The following RASGRF2 variants were observed in gnomAD, a reference collection of about 807,000 sequenced individuals.
RASGRF2 encodes ras-specific guanine nucleotide-releasing factor 2.
In RASGRF2, 76 loss-of-function variants were observed where a neutral mutation model predicts 151.0. The observed-to-expected ratio is 0.50, with a 90% CI of 0.42 to 0.61. The LOEUF (loss-of-function observed/expected upper bound fraction) is 0.61, where lower values mean the gene tolerates loss of function less well. RASGRF2 is among the 20% of genes least tolerant of loss of function. RASGRF2 has a pLI of 0.00. For synonymous variants in RASGRF2, 504 were observed against 566.5 expected, an observed-to-expected ratio of 0.89 and a Z score of 1.57; for missense variants, 1,148 against 1,564.6, an observed-to-expected ratio of 0.73 and a Z score of 4.49.
intron 18 of RASGRF2, among the ~76,000 whole-genome samples, chr5:81,193,538 T>A (rs1434203060): frequency 6.6e-6 from 1 of 152,012 alleles, no homozygotes; most frequent in Non-Finnish European, 1.5e-5. Flanking sequence ...TTTTTTGAGA[T>A]GGAGTCTCAC....
At chr5:81,212,299 CATATTT>C in intron 22 of RASGRF2, 61 bp from the exon 23 acceptor site, 1 of 1,178,638 alleles carries the variant, frequency 8.5e-7, no homozygotes. Flanking sequence ...AGATAATTTA[CATATTT>C]TGCCTAAATG....
chr5:81,119,738 G>A (rs1394121509), intron 15 of RASGRF2, among the ~76,000 whole-genome samples: 5 of 152,228 alleles, frequency 3.3e-5, no homozygotes, highest in East Asian at 3.8e-4. Flanking sequence ...GAGGGAACCT[G>A]TGAATAACAG....
intron 1 of RASGRF2, among the ~76,000 whole-genome samples, chr5:80,980,399 G>A (rs1005323764): frequency 4.6e-5 from 7 of 152,182 alleles, no homozygotes; most frequent in Admixed American, 1.3e-4. Context: ...CAGCATTTTG[G>A]GAGGCTGAGG....
At chr5:81,087,261 G>A (rs779915922) in intron 9 of RASGRF2, 11 of 702,944 alleles carry the variant, frequency 1.6e-5, no homozygotes, top group Non-Finnish European at 2.9e-5. Context: ...CCTGGCCCAC[G>A]GCCGTGGCAG....
chr5:81,131,694 A>C (rs1468836398), intron 17 of RASGRF2, among the ~76,000 whole-genome samples: 2 of 151,984 alleles, frequency 1.3e-5, no homozygotes, highest in African/African-American at 2.4e-5. Flanking sequence ...AGAAAAAAAA[A>C]AAAAAGATCT....
chr5:81,109,059 A>G lies in RASGRF2; in HGVS notation c.1819A>G (p.Thr607Ala). Residue 607 changes from threonine (T) to alanine (A), a missense_variant, in exon 13 of 27, where the codon ACT becomes GCT. Transcript: ENST00000265080. ...TIVFEENSKVTVPHMIKSDAR... is the reference protein window; with the variant it reads ...TIVFEENSKVAVPHMIKSDAR... ...AGTGTTTGAAGAGAATTCCAAAGTC[A>G]CTGTGCCACATATGATTAAGTAAGT... 6.2e-7 allele frequency: 1 copy of G among 1,611,022 alleles called. No homozygotes were observed. The highest frequency in any genetic ancestry group is 8.5e-7 in the Non-Finnish European group (1 of 1,177,514).
At position 81,092,830 on chromosome 5, in the gene RASGRF2, AG is replaced by A. The variant is rs1561605146; in HGVS notation, c.1425del (p.Lys476AsnfsTer12). On this transcript the variant is annotated frameshift_variant, in exon 10 of 27. Transcript: ENST00000265080. LOFTEE classifies it high-confidence loss of function. ...TCTTATTCAAGTACCTTCCGTTGAG[AG>A]GGGGAAACTTAGTAAAGTTCGCCTG... is the stretch of plus-strand genomic sequence containing the variant. ...GSLIQVPSVE[R>X]GKLSKVRLGS... The A allele has an allele frequency of 6.2e-7, 1 of 1,613,330 alleles. No homozygotes were observed. The highest frequency in any genetic ancestry group is 8.5e-7 in the Non-Finnish European group (1 of 1,179,576).
chr5:81,149,867 C>T (rs1453620029), intron 17 of RASGRF2, among the ~76,000 whole-genome samples: 1 of 152,128 alleles, frequency 6.6e-6, no homozygotes, highest in African/African-American at 2.4e-5. Flanking sequence ...TTTGAAAACA[C>T]CCAGGCTGCC....
chr5:81,014,401 A>G (rs1351936221), intron 1 of RASGRF2, among the ~76,000 whole-genome samples: 5 of 152,232 alleles, frequency 3.3e-5, no homozygotes, highest in Admixed American at 6.5e-5. Context: ...GGATGGTGGC[A>G]GGCAAAAGAT....
chr5:81,212,584 C>A, intron 23 of RASGRF2, 21 bp downstream of exon 23: 1 of 1,581,188 alleles, frequency 6.3e-7, no homozygotes, highest in Non-Finnish European at 8.6e-7. Context: ...GCGTGTGACA[C>A]AGCCTGCTGC....
intron 1 of RASGRF2, among the ~76,000 whole-genome samples, chr5:81,042,650 T>C (rs989175341): frequency 1.3e-5 from 2 of 152,234 alleles, no homozygotes; most frequent in African/African-American, 4.8e-5. Flanking sequence ...AAAGGAGTGT[T>C]AAGGGTTGAC....
intron 14 of RASGRF2, 78 bp from the exon 15 acceptor site, chr5:81,113,460 G>C: frequency 6.9e-7 from 1 of 1,444,722 alleles, no homozygotes; most frequent in Non-Finnish European, 9.5e-7. Context: ...TAAATGAAGG[G>C]AACATGTTCT....
chr5:81,136,291 A>G (rs886991653), intron 17 of RASGRF2, among the ~76,000 whole-genome samples: 3 of 152,184 alleles, frequency 2.0e-5, no homozygotes, highest in African/African-American at 4.8e-5. Context: ...TTCTCTGCGT[A>G]AAGAACTTCT....
chr5:81,032,324 C>G (rs1024751414), intron 1 of RASGRF2, among the ~76,000 whole-genome samples: 3 of 152,152 alleles, frequency 2.0e-5, no homozygotes, highest in African/African-American at 7.2e-5. Flanking sequence ...GATACCAAAG[C>G]CTGGCAGAGA....
intron 1 of RASGRF2, among the ~76,000 whole-genome samples, chr5:81,032,047 T>A (rs1321124589): frequency 2.6e-5 from 4 of 152,082 alleles, no homozygotes; most frequent in African/African-American, 9.7e-5. Context: ...CTAGAAAATG[T>A]AGAAGAAATG....
At chr5:81,114,825 G>A (rs1301345764) in intron 15 of RASGRF2, 1 of 152,204 alleles carries the variant, frequency 6.6e-6, no homozygotes, top group East Asian at 1.9e-4. Context: ...CATACCCTCA[G>A]TGTCTTGGCC....
At chr5:81,172,418 C>T (rs966103685) in intron 17 of RASGRF2, among the ~76,000 whole-genome samples, 2 of 147,252 alleles carry the variant, frequency 1.4e-5, no homozygotes, top group Non-Finnish European at 3.0e-5. Context: ...TGCTTTCCCT[C>T]GTCTACAAGG....
In RASGRF2 at chr5:81,109,098, C is replaced by T. The variant is rs778494322; in HGVS notation, c.1838+20C>T. ...GATTAAGTAAGTGTGAGAATCCTTT[C>T]CTTTACATTTTAATCAAGATTAAAT... On this transcript the variant is annotated intron_variant, in intron 13 of 26. Coordinates refer to ENST00000265080, the MANE Select transcript of RASGRF2 (RefSeq NM_006909.3). 1 of 1,595,118 alleles carries T rather than the reference C, an allele frequency of 6.3e-7. No homozygotes were observed.
intron 2 of RASGRF2, among the ~76,000 whole-genome samples, chr5:81,047,295 G>A (rs1750867390): frequency 6.6e-6 from 1 of 152,222 alleles, no homozygotes; most frequent in Non-Finnish European, 1.5e-5. Context: ...GGGGCTGATA[G>A]AGAAGTAAGG....
Sources: gnomAD v4.1 joint callset for allele counts (sites outside exome capture counted in the v4.1 genomes callset) on GRCh38, gnomAD v4.1.1 for gene constraint, MANE v1.5 for transcripts, NCBI Gene and HGNC (gene_info 2026-07-23, HGNC 2026-07-21) for gene names.